The following ZRANB3 variants were observed in gnomAD, a reference collection of about 807,000 sequenced individuals.
The protein encoded by ZRANB3 is zinc finger RANBP2-type containing 3.
Under a neutral mutation model 133.8 loss-of-function variants are expected in ZRANB3, and 125 were observed. The observed-to-expected ratio is 0.93, with a 90% CI of 0.81 to 1.08. The LOEUF is 1.08. Among genes scored for constraint, ZRANB3 ranks in the 50% least tolerant of loss-of-function variants. The pLI, the probability that ZRANB3 is intolerant of heterozygous loss-of-function variation, is 0.00. For synonymous variants in ZRANB3, 387 were observed against 432.7 expected, an observed-to-expected ratio of 0.89 and a Z score of 1.31; for missense variants, 1,229 against 1,275.5, an observed-to-expected ratio of 0.96 and a Z score of 0.56.
chr2:135,332,489 G>A (rs1185946691), intron 6 of ZRANB3, among the ~76,000 whole-genome samples: 2 of 152,064 alleles, frequency 1.3e-5, no homozygotes, highest in Non-Finnish European at 2.9e-5. Context: ...AATAACATTA[G>A]ACATTTTTGA....
At chr2:135,285,643 C>T (rs562379715) in intron 8 of ZRANB3, among the ~76,000 whole-genome samples, 3 of 152,178 alleles carry the variant, frequency 2.0e-5, no homozygotes, top group African/African-American at 7.2e-5. Flanking sequence ...TGTTAAGGCA[C>T]GAAGGAATGC....
At chr2:135,207,902 T>C (rs1558829374) in intron 18 of ZRANB3, 66 bp from the exon 19 acceptor site, 15 of 1,445,792 alleles carry the variant, frequency 1.0e-5, no homozygotes, top group Non-Finnish European at 1.4e-5. Flanking sequence ...AATTGCTTCA[T>C]ATAAAGGTTA....
At chr2:135,523,321 G>A (rs1270775836) in intron 1 of ZRANB3, among the ~76,000 whole-genome samples, 1 of 152,084 alleles carries the variant, frequency 6.6e-6, no homozygotes, top group African/African-American at 2.4e-5. Flanking sequence ...CCGCTCAACA[G>A]GATTAGCACA....
At chr2:135,354,921 CT>C (rs1685363769) in intron 3 of ZRANB3, among the ~76,000 whole-genome samples, 1 of 151,910 alleles carries the variant, frequency 6.6e-6, no homozygotes, top group Non-Finnish European at 1.5e-5. Flanking sequence ...TGAATTATAC[CT>C]CAATAATCCT....
At chr2:135,330,914 A>G (rs1399633200) in intron 6 of ZRANB3, among the ~76,000 whole-genome samples, 1 of 151,854 alleles carries the variant, frequency 6.6e-6, no homozygotes, top group East Asian at 1.9e-4. Context: ...ATCATTTTTT[A>G]TTGCGTCTAT....
At chr2:135,339,038 T>C (rs1170834624) in intron 6 of ZRANB3, among the ~76,000 whole-genome samples, 1 of 152,150 alleles carries the variant, frequency 6.6e-6, no homozygotes, top group East Asian at 1.9e-4. Context: ...CACTTAAGGA[T>C]GCTGAAGTGG....
At chr2:135,382,363 C>T (rs1686751662) in intron 3 of ZRANB3, among the ~76,000 whole-genome samples, 1 of 152,150 alleles carries the variant, frequency 6.6e-6, no homozygotes, top group Non-Finnish European at 1.5e-5. Context: ...AAATCTATGT[C>T]TGATTGGTGT....
intron 13 of ZRANB3, among the ~76,000 whole-genome samples, chr2:135,228,703 T>A (rs1048817098): frequency 5.9e-5 from 9 of 152,114 alleles, no homozygotes; most frequent in African/African-American, 2.2e-4. Context: ...CAGCCCAAGT[T>A]TTTAGCATGA....
intron 2 of ZRANB3, among the ~76,000 whole-genome samples, chr2:135,398,107 C>T (rs1687580605): frequency 6.6e-6 from 1 of 152,042 alleles, no homozygotes; most frequent in South Asian, 2.1e-4. Flanking sequence ...GCTCTGTCAC[C>T]CAGGCTGGAG....
At position 135,208,951 on chromosome 2, in the gene ZRANB3, T is replaced by C. The variant is rs1189121837; in HGVS notation, c.2523A>G (p.Val841=). The change falls in exon 18 of 21, where the codon GTA becomes GTG. Residue 841 remains valine, a synonymous_variant. Coordinates refer to ENST00000264159, the MANE Select transcript of ZRANB3 (RefSeq NM_032143.4). ...KRYITKEDVA[V]ASMDKVKNVG... ...CATTCTTCACTTTGTCCATTGAGGCTACGGCAACATCTTCTTTGGTTATGT... is the reference window on the plus strand; with the variant it reads ...CATTCTTCACTTTGTCCATTGAGGCCACGGCAACATCTTCTTTGGTTATGT... The C allele has an allele frequency of 1.9e-6, 3 of 1,613,868 alleles. No individual in the cohort carries two copies. The highest frequency in any genetic ancestry group is 1.7e-5 in the Admixed American group (1 of 60,000).
chr2:135,455,171 CTTTTTTTTTTTTT>C (rs1166170814), intron 2 of ZRANB3, among the ~76,000 whole-genome samples: 22 of 37,598 alleles, frequency 5.9e-4, no homozygotes, highest in East Asian at 1.1e-3. Context: ...CCTTCTTATA[CTTTTTTTTTTTTT>C]TTTTTTTTTT....
At chr2:135,297,559 T>C (rs1183191623) in intron 8 of ZRANB3, among the ~76,000 whole-genome samples, 1 of 152,238 alleles carries the variant, frequency 6.6e-6, no homozygotes, top group Non-Finnish European at 1.5e-5. Context: ...CTTTGGCTCA[T>C]GCACCGTGCG....
chr2:135,347,951 T>C (rs1685019346), intron 5 of ZRANB3, among the ~76,000 whole-genome samples: 1 of 151,780 alleles, frequency 6.6e-6, no homozygotes, highest in Non-Finnish European at 1.5e-5. Flanking sequence ...AGAAGGAAGG[T>C]CACAATAAAG....
intron 19 of ZRANB3, among the ~76,000 whole-genome samples, chr2:135,204,280 G>A (rs1693757548): frequency 6.6e-6 from 1 of 152,118 alleles, no homozygotes; most frequent in African/African-American, 2.4e-5. Context: ...GGCATTGTTA[G>A]AAGCTACTAC....
chr2:135,217,275 A>G (rs1195835426), intron 17 of ZRANB3, among the ~76,000 whole-genome samples, 190 bp downstream of exon 17: 1 of 152,166 alleles, frequency 6.6e-6, no homozygotes, highest in East Asian at 1.9e-4. Flanking sequence ...GATCTCTTTT[A>G]GCAGATTTTG....
intron 2 of ZRANB3, among the ~76,000 whole-genome samples, chr2:135,485,989 C>T (rs754425997): frequency 5.3e-5 from 8 of 152,058 alleles, no homozygotes; most frequent in Non-Finnish European, 1.2e-4. Flanking sequence ...TATTATTAAC[C>T]ATGTATATTC....
chr2:135,203,606 C>T (rs928080277), intron 19 of ZRANB3, among the ~76,000 whole-genome samples: 3 of 114,486 alleles, frequency 2.6e-5, no homozygotes, highest in Admixed American at 1.1e-4. Context: ...GTGACAGACT[C>T]GGTCTCAAAA....
At chr2:135,349,867 C>A (rs1209670294) in intron 5 of ZRANB3, 117 bp downstream of exon 5, 9 of 714,070 alleles carry the variant, frequency 1.3e-5, no homozygotes, top group Middle Eastern at 4.9e-4. Context: ...CCAATGTACT[C>A]CTCTAGCATT....
intron 1 of ZRANB3, chr2:135,511,004 T>C (rs1474235376): frequency 1.3e-6 from 1 of 782,758 alleles, no homozygotes. Flanking sequence ...TGGGTCCCCT[T>C]TGGGGAGGAA....
Sources: gnomAD v4.1 joint callset for allele counts (sites outside exome capture counted in the v4.1 genomes callset) on GRCh38, gnomAD v4.1.1 for gene constraint, MANE v1.5 for transcripts, NCBI Gene and HGNC (gene_info 2026-07-23, HGNC 2026-07-21) for gene names.